Variants in ZNF83 observed in about 807,000 individuals in gnomAD.
The protein encoded by ZNF83 is zinc finger protein 83.
For synonymous variants in ZNF83, 209 were observed against 213.0 expected, an observed-to-expected ratio of 0.98 and a Z score of 0.17; for missense variants, 552 against 629.9, an observed-to-expected ratio of 0.88 and a Z score of 1.32.
chr19:52,682,267 T>C (rs2061934641), intron 1 of ZNF83, among the ~76,000 whole-genome samples: 1 of 152,210 alleles, frequency 6.6e-6, no homozygotes, highest in Non-Finnish European at 1.5e-5. Flanking sequence ...CATGGACTTA[T>C]CCATCCATGT....
chr19:52,631,841 C>G (rs962930302), intron 2 of ZNF83, among the ~76,000 whole-genome samples: 1 of 152,120 alleles, frequency 6.6e-6, no homozygotes, highest in Non-Finnish European at 1.5e-5. Flanking sequence ...CTCTTAGAAC[C>G]TCTCATTTCC....
intron 2 of ZNF83, among the ~76,000 whole-genome samples, chr19:52,627,305 C>G (rs537125388): frequency 2.3e-4 from 35 of 151,932 alleles, no homozygotes; most frequent in African/African-American, 8.2e-4. Flanking sequence ...TTCACACAGA[C>G]GAGCATGACA....
chr19:52,613,039 C>T (rs892892264), exon 3 of ZNF83: 2 of 1,601,992 alleles, frequency 1.2e-6, no homozygotes, highest in Non-Finnish European at 1.7e-6. Context: ...AGATTTCTTT[C>T]CGGCATGAAA....
At chr19:52,662,825 T>C (rs965979818) in intron 1 of ZNF83, among the ~76,000 whole-genome samples, 1 of 152,050 alleles carries the variant, frequency 6.6e-6, no homozygotes, top group Non-Finnish European at 1.5e-5. Flanking sequence ...TCCTATGTGA[T>C]GGACTGGAAG....
Position 52,631,870 on chromosome 19 carries a change from A to G in ZNF83, c.-234+3196T>C, listed in dbSNP as rs569467956. On this transcript the variant is annotated intron_variant, in intron 2 of 2. Transcript: ENST00000301096. ...CATTTCCTTTCCATCGTGGAAATCT[A>G]TCCTCAAGGAAATAACTTCTCAGTG... 5.9e-3 allele frequency among the ~76,000 whole-genome samples: 891 copies of G among 151,858 alleles called. 3 individuals are homozygous for G. Among genetic ancestry groups the G allele is most frequent in the African/African-American group, 0.02 (842 of 41,228 alleles).
At chr19:52,643,267 T>C (rs1253828142), upstream of ZNF83, among the ~76,000 whole-genome samples, 1 of 150,206 alleles carries the variant, frequency 6.7e-6, no homozygotes, top group Non-Finnish European at 1.5e-5. Flanking sequence ...GGCACAAAAA[T>C]CGCTTGAACC....
At chr19:52,655,103 C>T (rs890965202) in intron 3 of ZNF83, 1 of 154,276 alleles carries the variant, frequency 6.5e-6, no homozygotes, top group African/African-American at 2.4e-5. Flanking sequence ...ATGAGAATTG[C>T]TTGAATGCAG....
At chr19:52,637,998 G>A (rs2061209809) in intron 1 of ZNF83, among the ~76,000 whole-genome samples, 1 of 152,188 alleles carries the variant, frequency 6.6e-6, no homozygotes, top group Non-Finnish European at 1.5e-5. Context: ...GGCGCCCAGG[G>A]CGGGAATCCA....
intron 2 of ZNF83, among the ~76,000 whole-genome samples, chr19:52,629,079 G>GAACTT (rs1311921008): frequency 1.3e-5 from 2 of 151,600 alleles, no homozygotes; most frequent in Non-Finnish European, 2.9e-5. Context: ...GTGTTCTTAA[G>GAACTT]AACTTAAAAC....
At chr19:52,615,729 A>G (rs1444519663) in intron 2 of ZNF83, among the ~76,000 whole-genome samples, 1 of 152,210 alleles carries the variant, frequency 6.6e-6, no homozygotes, top group African/African-American at 2.4e-5. Context: ...GAAGTTTAGG[A>G]TGTAAGCATC....
At chr19:52,645,966 G>A (rs1055141390) in intron 3 of ZNF83, among the ~76,000 whole-genome samples, 4 of 152,062 alleles carry the variant, frequency 2.6e-5, no homozygotes, top group African/African-American at 9.7e-5. Flanking sequence ...GTGAGATGGA[G>A]ACTTGCTCTG....
rs559054422 is a variant in ZNF83, at chr19:52,677,284, T to G, written c.-283+13159A>C. On this transcript the variant is annotated intron_variant, in intron 1 of 5. Coordinates refer to the ZNF83 transcript ENST00000594682. ...TGAGGGGCATTTTGCTTTTGAATAT[T>G]AAAGACAGACAAATTGAGAAGTAAA... Among the ~76,000 whole-genome samples, 10 of 137,240 alleles carry G rather than the reference T, an allele frequency of 7.3e-5. No individual in the cohort carries two copies. The South Asian group carries it at 2.2e-3, about 30-fold the overall frequency. The allele number at this position is 137,240 out of a possible 152,430, so 90.0% of individuals were successfully genotyped here.
intron 3 of ZNF83, among the ~76,000 whole-genome samples, chr19:52,644,170 T>C (rs1454769089): frequency 1.5e-5 from 2 of 134,038 alleles, no homozygotes; most frequent in Non-Finnish European, 1.6e-5. Context: ...CTCTGTTTCT[T>C]CCATTCTTCT....
intron 2 of ZNF83, among the ~76,000 whole-genome samples, chr19:52,657,093 G>T (rs1355733019): frequency 6.6e-6 from 1 of 151,912 alleles, no homozygotes; most frequent in Non-Finnish European, 1.5e-5. Context: ...TCCAGCCTGG[G>T]GGACACAGCG....
chr19:52,685,662 C>T (rs2062002424), intron 1 of ZNF83, among the ~76,000 whole-genome samples: 1 of 151,834 alleles, frequency 6.6e-6, no homozygotes, highest in Admixed American at 6.6e-5. Context: ...ATTGGGAGGT[C>T]GAGGTGGGCA....
rs141690119 is a variant in ZNF83 at position 52,613,964 on chromosome 19, C to T, written c.601G>A (p.Gly201Arg). The change falls in exon 3 of 3, where the codon GGA (glycine) becomes AGA (arginine). Residue 201 changes from glycine to arginine, a missense_variant. Gly to Arg is a moderately radical substitution (Grantham distance 125, BLOSUM62 -2). Transcript: ENST00000301096. Reference sequence around the variant, plus strand: ...TCATTACATTTATAAGGTTTCTCTCCGGTATGAATTCTTTGATGTTGTGCA... The same window carrying T: ...TCATTACATTTATAAGGTTTCTCTCTGGTATGAATTCTTTGATGTTGTGCA... 120 of 1,613,444 alleles carry T rather than the reference C, an allele frequency of 7.4e-5. No individual in the cohort carries two copies. Among genetic ancestry groups the T allele is most frequent in the Middle Eastern group, 3.3e-4 (2 of 6,030 alleles).
At chr19:52,677,626 C>A (rs921906847) in intron 1 of ZNF83, among the ~76,000 whole-genome samples, 7 of 152,066 alleles carry the variant, frequency 4.6e-5, no homozygotes, top group African/African-American at 1.7e-4. Context: ...TTGTAGATTG[C>A]AGAATTGTGT....
At chr19:52,636,524 G>T (rs1199620546) in intron 1 of ZNF83, 1 of 152,040 alleles carries the variant, frequency 6.6e-6, no homozygotes, top group African/African-American at 2.4e-5. Context: ...TTATAGATAG[G>T]ATTCTTAAAA....
Position 52,687,580 on chromosome 19 carries a change from ATATATATATATATAT to A in ZNF83, c.-283+2848_-283+2862del, listed in dbSNP as rs1349069367. ...TAAATTTTATATATATATAAATTTT[ATATATATATATATAT>A]AATGTATATATATATAATGTGTATA... On this transcript the variant is annotated intron_variant, in intron 1 of 5. Coordinates refer to the ZNF83 transcript ENST00000594682. 1.3e-3 allele frequency among the ~76,000 whole-genome samples: 34 copies of A among 26,554 alleles called. No individual in the cohort carries two copies. In the African/African-American group the frequency reaches 0.018, roughly 14 times the overall value. 17.4% of individuals were successfully genotyped at this position (26,554 alleles called of 152,430 possible).
Sources: gnomAD v4.1 joint callset for allele counts (sites outside exome capture counted in the v4.1 genomes callset) on GRCh38, gnomAD v4.1.1 for gene constraint, MANE v1.5 for transcripts, NCBI Gene and HGNC (gene_info 2026-07-23, HGNC 2026-07-21) for gene names.